DOCK2: variants seen among roughly 807,000 people sequenced by gnomAD.
DOCK2 encodes dedicator of cytokinesis 2, also known as dedicator of cytokinesis protein 2.
Under a neutral mutation model 248.9 loss-of-function variants are expected in DOCK2, and 87 were observed. That is an observed-to-expected ratio of 0.35 (90% CI 0.29 to 0.42). The LOEUF (loss-of-function observed/expected upper bound fraction) is 0.42, where lower values mean the gene tolerates loss of function less well. Among genes scored for constraint, DOCK2 ranks in the 10% least tolerant of loss-of-function variants. The probability of loss-of-function intolerance (pLI) is 1.00; values close to 1 mark genes in which losing one functional copy is unlikely to be tolerated. For synonymous variants in DOCK2, 805 were observed against 821.6 expected (o/e 0.98, Z 0.35); for missense variants, 1,747 against 2,300.2 (o/e 0.76, Z 4.92).
intron 44 of DOCK2, among the ~76,000 whole-genome samples, chr5:170,066,172 G>A (rs917468912): frequency 2.0e-5 from 3 of 151,968 alleles, no homozygotes; most frequent in African/African-American, 4.8e-5. Flanking sequence ...GGATGGTCTC[G>A]ATCTCCTGAC....
At chr5:169,825,372 A>G (rs1042946835) in intron 26 of DOCK2, among the ~76,000 whole-genome samples, 3 of 152,236 alleles carry the variant, frequency 2.0e-5, no homozygotes, top group African/African-American at 2.4e-5. Flanking sequence ...AACCAACCCA[A>G]ATATCCAACA....
intron 22 of DOCK2, among the ~76,000 whole-genome samples, chr5:169,743,055 C>A (rs147188052): frequency 6.6e-6 from 1 of 152,170 alleles, no homozygotes; most frequent in African/African-American, 2.4e-5. Context: ...AGAGATCAAG[C>A]GCTAAAAAAG....
intron 27 of DOCK2, among the ~76,000 whole-genome samples, chr5:169,973,423 A>G (rs1238985337): frequency 1.3e-5 from 2 of 152,098 alleles, no homozygotes; most frequent in African/African-American, 4.8e-5. Context: ...CTGAATACCT[A>G]GTGTGTGCCA....
intron 42 of DOCK2, 35 bp from the exon 43 acceptor site, chr5:170,056,649 G>T (rs771382129): frequency 1.9e-6 from 3 of 1,597,902 alleles, no homozygotes; most frequent in Admixed American, 1.7e-5. Flanking sequence ...GCCGGGGATG[G>T]CTACCAGGAG....
intron 27 of DOCK2, among the ~76,000 whole-genome samples, chr5:169,933,393 A>G (rs1252990692): frequency 6.6e-6 from 1 of 152,218 alleles, no homozygotes; most frequent in Non-Finnish European, 1.5e-5. Flanking sequence ...CTGGCATCCA[A>G]GGTCCTTCTA....
chr5:169,981,287 A>G (rs1234989543), intron 27 of DOCK2, among the ~76,000 whole-genome samples: 2 of 152,170 alleles, frequency 1.3e-5, no homozygotes, highest in Non-Finnish European at 2.9e-5. Context: ...CTGTTTCTCT[A>G]CCACTAGAAC....
In DOCK2 at chr5:169,674,398, G is replaced by A. The variant is rs767985225; in HGVS notation, c.423G>A (p.Leu141=). ...LLSGTLPKDE[L]KELKQKVTSK... is the part of the protein sequence containing the mutation. ...CAGGAACCTTACCCAAGGATGAGCT[G>A]AAGGAACTGAAGCAGAAAGTCACGT... Residue 141 remains leucine (L), a synonymous_variant, in exon 6 of 52, where the codon CTG becomes CTA. Coordinates refer to ENST00000520908, the MANE Select transcript of DOCK2 (RefSeq NM_004946.3). 9.9e-6 allele frequency: 16 copies of A among 1,614,038 alleles called. No individual in the cohort carries two copies. Among genetic ancestry groups the A allele is most frequent in the Non-Finnish European group, 1.3e-5 (15 of 1,180,000 alleles).
At chr5:169,938,224 T>C (rs1282042322) in intron 27 of DOCK2, among the ~76,000 whole-genome samples, 2 of 151,450 alleles carry the variant, frequency 1.3e-5, no homozygotes, top group African/African-American at 4.8e-5. Context: ...TTTTCTTTCT[T>C]CTTTTTTTTT....
intron 22 of DOCK2, among the ~76,000 whole-genome samples, chr5:169,730,345 A>G (rs961473343): frequency 1.3e-5 from 2 of 152,224 alleles, no homozygotes; most frequent in African/African-American, 4.8e-5. Flanking sequence ...GCTATGAGCA[A>G]GTGCTCTCAC....
chr5:169,708,532 G>T (rs1761404867), intron 15 of DOCK2, among the ~76,000 whole-genome samples: 1 of 151,884 alleles, frequency 6.6e-6, no homozygotes, highest in Non-Finnish European at 1.5e-5. Context: ...CGCAAGCTGA[G>T]GGAGCAGAAT....
At chr5:170,006,430 A>G (rs190568374) in intron 30 of DOCK2, among the ~76,000 whole-genome samples, 1 of 152,290 alleles carries the variant, frequency 6.6e-6, no homozygotes, top group African/African-American at 2.4e-5. Context: ...CTCCTGCCTC[A>G]GTCTCCTGAG....
intron 26 of DOCK2, among the ~76,000 whole-genome samples, chr5:169,813,727 C>T (rs1426620337): frequency 1.3e-5 from 2 of 152,190 alleles, no homozygotes; most frequent in African/African-American, 4.8e-5. Flanking sequence ...TTTCATTTCT[C>T]ATGATAGTTC....
chr5:169,720,618 C>T (rs1442906353), intron 22 of DOCK2, among the ~76,000 whole-genome samples: 2 of 152,188 alleles, frequency 1.3e-5, no homozygotes, highest in East Asian at 3.9e-4. Context: ...GCAGGCTGAG[C>T]TTCCCTGTTC....
At chr5:169,991,105 C>T (rs1778194824) in intron 29 of DOCK2, among the ~76,000 whole-genome samples, 1 of 152,238 alleles carries the variant, frequency 6.6e-6, no homozygotes, top group Non-Finnish European at 1.5e-5. Flanking sequence ...ACGGCCGCAG[C>T]TCAGAAGAGT....
chr5:169,869,748 A>G (rs1771832559), intron 27 of DOCK2, among the ~76,000 whole-genome samples: 2 of 152,244 alleles, frequency 1.3e-5, no homozygotes, highest in Admixed American at 6.5e-5. Flanking sequence ...GTTTGCAGAC[A>G]GTGGGAGAGA....
chr5:170,036,782 T>C (rs1324149210), intron 36 of DOCK2, among the ~76,000 whole-genome samples: 1 of 152,232 alleles, frequency 6.6e-6, no homozygotes, highest in Non-Finnish European at 1.5e-5. Context: ...TGCTGTCCTG[T>C]TGTTCCCACA....
chr5:169,825,134 G>A (rs1397786893), intron 26 of DOCK2, among the ~76,000 whole-genome samples: 1 of 152,194 alleles, frequency 6.6e-6, no homozygotes, highest in Non-Finnish European at 1.5e-5. Context: ...GTGCTGGGGA[G>A]GATGTGGAGA....
chr5:169,682,671 T>C (rs1455754128), intron 7 of DOCK2, among the ~76,000 whole-genome samples: 1 of 133,836 alleles, frequency 7.5e-6, no homozygotes, highest in Non-Finnish European at 1.7e-5. Context: ...TATTAAGATA[T>C]AATTTTCATA....
chr5:169,864,236 C>T (rs541149170), intron 27 of DOCK2: 145 of 1,519,208 alleles, frequency 9.5e-5, no homozygotes, highest in Non-Finnish European at 1.2e-4. Context: ...CAGGGAAGTG[C>T]GTGGAGTTGG....
Sources: allele counts gnomAD v4.1 joint callset (sites outside exome capture counted in the v4.1 genomes callset), GRCh38; gene constraint gnomAD v4.1.1; transcripts MANE v1.5; gene names NCBI Gene and HGNC (gene_info 2026-07-23, HGNC 2026-07-21).